C7orf78: variants seen among roughly 807,000 people sequenced by gnomAD.
C7orf78 encodes the protein putative uncharacterized protein C7orf78.
At chr7:12,497,429 G>C in the C7orf78 span, among the ~76,000 whole-genome samples, 8 of 152,210 alleles carry the variant, frequency 5.3e-5, no homozygotes, top group African/African-American at 1.9e-4. Flanking sequence ...CAAGGGGTCA[G>C]GGAGTTCCCT....
the C7orf78 span, among the ~76,000 whole-genome samples, chr7:12,526,565 C>G: frequency 6.6e-6 from 1 of 152,064 alleles, no homozygotes; most frequent in African/African-American, 2.4e-5. Context: ...ATTTTATTTC[C>G]TCTTTTTCAA....
the C7orf78 span, among the ~76,000 whole-genome samples, chr7:12,515,274 A>C: frequency 2.6e-5 from 4 of 152,216 alleles, no homozygotes; most frequent in Admixed American, 6.5e-5. Context: ...ATAGTGAATA[A>C]GTCTCACGAG....
the C7orf78 span, among the ~76,000 whole-genome samples, chr7:12,532,298 C>T: frequency 4.6e-5 from 7 of 152,084 alleles, no homozygotes; most frequent in African/African-American, 1.7e-4. Flanking sequence ...GCCTGTAATC[C>T]CAACACTTTG....
chr7:12,521,666 A>C, the C7orf78 span, among the ~76,000 whole-genome samples: 1 of 61,336 alleles, frequency 1.6e-5, no homozygotes, highest in South Asian at 4.9e-4. Context: ...TTTTTGGCTT[A>C]GCTTTCATTT....
the C7orf78 span, among the ~76,000 whole-genome samples, chr7:12,521,025 G>C: frequency 6.6e-6 from 1 of 151,836 alleles, no homozygotes; most frequent in Non-Finnish European, 1.5e-5. Context: ...TCTGAAATAA[G>C]TATAGTTACT....
chr7:12,499,753 C>T, the C7orf78 span, among the ~76,000 whole-genome samples: 2 of 151,076 alleles, frequency 1.3e-5, no homozygotes, highest in Admixed American at 6.6e-5. Context: ...ACAGAACTCT[C>T]CACCCCAAAT....
chr7:12,515,343 T>C, the C7orf78 span, among the ~76,000 whole-genome samples: 1 of 152,204 alleles, frequency 6.6e-6, no homozygotes, highest in South Asian at 2.1e-4. Flanking sequence ...CTCTTGCCAT[T>C]GCCATGTAAA....
At chr7:12,483,878 C>CAAAAAAAAAAAAAAGAAAAAAAAAAAA in the C7orf78 span, 1 of 116,950 alleles carries the variant, frequency 8.6e-6, no homozygotes, top group Admixed American at 1.1e-4. Flanking sequence ...AACTCCATCT[C>CAAAAAAAAAAAAAAGAAAAAAAAAAAA]AAAAAAAAAA....
the C7orf78 span, chr7:12,484,015 G>C: frequency 2.6e-5 from 4 of 152,014 alleles, no homozygotes; most frequent in Admixed American, 2.0e-4. Context: ...GAAATACAAA[G>C]GTAAAGGTCG....
chr7:12,486,615 A>T, the C7orf78 span, among the ~76,000 whole-genome samples: 1 of 152,042 alleles, frequency 6.6e-6, no homozygotes, highest in Non-Finnish European at 1.5e-5. Flanking sequence ...TTACATTTTT[A>T]AAACTATTTT....
At chr7:12,533,662 G>T in the C7orf78 span, among the ~76,000 whole-genome samples, 1 of 151,914 alleles carries the variant, frequency 6.6e-6, no homozygotes, top group East Asian at 1.9e-4. Context: ...GACTACAGGT[G>T]CCCGCCACCA....
At chr7:12,509,222 A>T in the C7orf78 span, among the ~76,000 whole-genome samples, 1 of 150,668 alleles carries the variant, frequency 6.6e-6, no homozygotes, top group African/African-American at 2.4e-5. Flanking sequence ...AACTATATGA[A>T]TGTGGGAAAA....
chr7:12,490,703 CA>C, the C7orf78 span, among the ~76,000 whole-genome samples: 13,592 of 151,424 alleles, frequency 0.09, 807 homozygotes, highest in Non-Finnish European at 0.13. Context: ...CAGCATTTAG[CA>C]TTAGGAAAAA....
At chr7:12,507,950 T>C in the C7orf78 span, among the ~76,000 whole-genome samples, 1 of 152,240 alleles carries the variant, frequency 6.6e-6, no homozygotes, top group Admixed American at 6.5e-5. Flanking sequence ...AGCATTTTTA[T>C]GTTAGACAAA....
At chr7:12,492,397 G>T in the C7orf78 span, among the ~76,000 whole-genome samples, 2 of 152,126 alleles carry the variant, frequency 1.3e-5, no homozygotes, top group African/African-American at 4.8e-5. Flanking sequence ...AAATAATTTG[G>T]CTTTAAGGAC....
chr7:12,501,384 C>G, the C7orf78 span, among the ~76,000 whole-genome samples: 1 of 150,574 alleles, frequency 6.6e-6, no homozygotes, highest in South Asian at 2.1e-4. Context: ...TCAGCAAAGT[C>G]TCAGGATACA....
At chr7:12,500,707 G>A in the C7orf78 span, among the ~76,000 whole-genome samples, 1 of 151,932 alleles carries the variant, frequency 6.6e-6, no homozygotes, top group Non-Finnish European at 1.5e-5. Context: ...AGAAAAAGAG[G>A]GAATCCTCCC....
chr7:12,495,678 T>C, the C7orf78 span, among the ~76,000 whole-genome samples: 1 of 152,194 alleles, frequency 6.6e-6, no homozygotes, highest in Non-Finnish European at 1.5e-5. Context: ...CGGAACACTA[T>C]TTAAAGCCTA....
the C7orf78 span, among the ~76,000 whole-genome samples, chr7:12,497,393 C>T: frequency 6.6e-6 from 1 of 152,216 alleles, no homozygotes; most frequent in African/African-American, 2.4e-5. Flanking sequence ...AGAAGCAGGG[C>T]GAGGCATTGC....
Sources: allele counts gnomAD v4.1 joint callset (sites outside exome capture counted in the v4.1 genomes callset), GRCh38; gene constraint gnomAD v4.1.1; transcripts MANE v1.5; gene names NCBI Gene and HGNC (gene_info 2026-07-23, HGNC 2026-07-21).